QRFPR: variants seen among roughly 807,000 people sequenced by gnomAD.
QRFPR encodes the protein pyroglutamylated RF-amide peptide receptor.
Under a neutral mutation model 31.3 loss-of-function variants are expected in QRFPR, and 37 were observed. That is an observed-to-expected ratio of 1.18 (90% confidence interval 0.91 to 1.56). QRFPR has a LOEUF of 1.56. Ranked by LOEUF, QRFPR falls within the 40% of genes most tolerant of loss-of-function variation. The probability of loss-of-function intolerance (pLI) is 0.00; values close to 1 mark genes in which losing one functional copy is unlikely to be tolerated. For synonymous variants in QRFPR, 197 were observed against 192.0 expected, an observed-to-expected ratio of 1.03 and a Z score of -0.22; for missense variants, 542 against 532.5, an observed-to-expected ratio of 1.02 and a Z score of -0.18.
In QRFPR at chr4:121,380,880, T is replaced by A. The variant is rs180738331; in HGVS notation, c.-233A>T. 150 of 501,592 alleles carry A rather than the reference T, an allele frequency of 3.0e-4. No individual in the cohort carries two copies. The highest frequency in any genetic ancestry group is 2.8e-3 in the African/African-American group (140 of 50,908). 31.1% of individuals were successfully genotyped at this position (501,592 alleles called of 1,614,324 possible). A position where few individuals can be genotyped will look rare whatever the true frequency, so the allele number is the denominator to read the frequency against. On this transcript the variant is annotated 5_prime_UTR_variant, in exon 1 of 6. Coordinates refer to ENST00000394427, the MANE Select transcript of QRFPR (RefSeq NM_198179.3). ...GAAGCCAAAGCACTGGGAGACTCGA[T>A]CTCAGTGACCAAAAAATGTTCGCGG...
chr4:121,344,066 T>C (rs2110471709), intron 1 of QRFPR, among the ~76,000 whole-genome samples: 1 of 152,346 alleles, frequency 6.6e-6, no homozygotes, highest in East Asian at 1.9e-4. Flanking sequence ...GGCAGCTCTT[T>C]CATCATTAGG....
At chr4:121,378,411 T>G (rs997322557) in intron 1 of QRFPR, among the ~76,000 whole-genome samples, 10 of 144,170 alleles carry the variant, frequency 6.9e-5, no homozygotes, top group Non-Finnish European at 7.6e-5. Flanking sequence ...ACTGCACTTT[T>G]TTTTTTTTTT....
chr4:121,341,519 C>A (rs1725542465), intron 1 of QRFPR, among the ~76,000 whole-genome samples: 1 of 152,174 alleles, frequency 6.6e-6, no homozygotes, highest in African/African-American at 2.4e-5. Context: ...AACCTGAAAT[C>A]TGAAATGATC....
chr4:121,345,585 G>T (rs962039920), intron 1 of QRFPR, among the ~76,000 whole-genome samples: 2 of 152,138 alleles, frequency 1.3e-5, no homozygotes, highest in African/African-American at 4.8e-5. Flanking sequence ...ACTATAGTTT[G>T]CCTCCACTGC....
At chr4:121,364,361 G>A (rs1269258720) in intron 1 of QRFPR, among the ~76,000 whole-genome samples, 1 of 150,364 alleles carries the variant, frequency 6.7e-6, no homozygotes, top group African/African-American at 2.5e-5. Context: ...TTTTGGCTGG[G>A]CATGGTGGCT....
At chr4:121,340,391 T>C (rs1560735207) in intron 2 of QRFPR, 61 bp downstream of exon 2, 1 of 1,560,788 alleles carries the variant, frequency 6.4e-7, no homozygotes, top group Non-Finnish European at 8.8e-7. Flanking sequence ...AAAAATATGG[T>C]TCTCTATTCT....
intron 3 of QRFPR, among the ~76,000 whole-genome samples, chr4:121,335,592 GGGAGA>G (rs1725420526): frequency 1.5e-5 from 2 of 137,658 alleles, no homozygotes; most frequent in African/African-American, 2.6e-5. Flanking sequence ...GGGTGGGGCG[GGGAGA>G]GGAGTGGGGC....
At position 121,365,558 on chromosome 4, in the gene QRFPR, ATATATATT is replaced by A. The variant is rs1726094484; in HGVS notation, c.340+14742_340+14749del. ...TAATATATATTATATATAATATATAATATATATTATATATAATATATATTATATATATT... is the reference window on the plus strand; with the variant it reads ...TAATATATATTATATATAATATATAAATATATAATATATATTATATATATT... On this transcript the variant is annotated intron_variant, in intron 1 of 5. Coordinates refer to ENST00000394427, the MANE Select transcript of QRFPR (RefSeq NM_198179.3). Among the ~76,000 whole-genome samples, 2 of 5,168 alleles carry A rather than the reference ATATATATT, an allele frequency of 3.9e-4. 1 individual carries two copies. The highest frequency in any genetic ancestry group is 2.4e-3 in the African/African-American group (2 of 838). 3.4% of individuals were successfully genotyped at this position (5,168 alleles called of 152,430 possible).
chr4:121,372,603 G>A (rs1560746619), intron 1 of QRFPR, among the ~76,000 whole-genome samples: 2 of 152,142 alleles, frequency 1.3e-5, no homozygotes, highest in East Asian at 3.9e-4. Flanking sequence ...CATAGCCCCT[G>A]GTAACATTAG....
At chr4:121,355,089 G>A (rs777291738) in intron 1 of QRFPR, among the ~76,000 whole-genome samples, 1 of 152,028 alleles carries the variant, frequency 6.6e-6, no homozygotes, top group African/African-American at 2.4e-5. Context: ...TTTGTGGTAT[G>A]AGTCTGGAAG....
At chr4:121,331,294 C>T (rs1240655684) in intron 4 of QRFPR, among the ~76,000 whole-genome samples, 1 of 149,114 alleles carries the variant, frequency 6.7e-6, no homozygotes, top group East Asian at 2.0e-4. Context: ...AAGTGATCCT[C>T]CCACCTCAGC....
chr4:121,342,071 A>G (rs1011764319), intron 1 of QRFPR, among the ~76,000 whole-genome samples: 3 of 152,214 alleles, frequency 2.0e-5, no homozygotes, highest in African/African-American at 7.2e-5. Context: ...TCAGTAGAAG[A>G]CAGGAGAAGA....
At position 121,336,875 on chromosome 4, in the gene QRFPR, A is replaced by T. The variant is rs1725446746; in HGVS notation, c.500-7T>A. The T allele has an allele frequency of 9.9e-6, 16 of 1,613,582 alleles. No individual in the cohort carries two copies. Among genetic ancestry groups the T allele is most frequent in the Non-Finnish European group, 1.4e-5 (16 of 1,179,590 alleles). On this transcript the variant is annotated splice_region_variant and splice_polypyrimidine_tract_variant and intron_variant, in intron 2 of 5. Coordinates refer to ENST00000394427, the MANE Select transcript of QRFPR (RefSeq NM_198179.3). ...GCCACCAGCCAGACCACACCTGTAAAAGTGTTAAAGTCATGAGAGTATGAC... is the reference window on the plus strand; with the variant it reads ...GCCACCAGCCAGACCACACCTGTAATAGTGTTAAAGTCATGAGAGTATGAC...
chr4:121,328,735 A>G lies in QRFPR; in HGVS notation c.*579T>C, dbSNP rs1222320953. Among the ~76,000 whole-genome samples, 1 of 152,182 alleles carries G rather than the reference A, an allele frequency of 6.6e-6. No individual in the cohort carries two copies. The highest frequency in any genetic ancestry group is 2.4e-5 in the African/African-American group (1 of 41,448). On this transcript the variant is annotated 3_prime_UTR_variant, in exon 6 of 6. Transcript: ENST00000394427. ...TAAAAATCCACTGAAATAATCTTAA[A>G]AGTATGGTTTACGAATTTTTCAAAA...
chr4:121,362,026 C>G (rs1031977220), intron 1 of QRFPR, among the ~76,000 whole-genome samples: 24 of 150,146 alleles, frequency 1.6e-4, no homozygotes, highest in African/African-American at 5.9e-4. Context: ...AAAACAATAA[C>G]TGCAATTGTC....
chr4:121,359,894 C>G (rs1725955204), intron 1 of QRFPR, among the ~76,000 whole-genome samples: 1 of 151,286 alleles, frequency 6.6e-6, no homozygotes, highest in Non-Finnish European at 1.5e-5. Context: ...CACCATTTTC[C>G]TTCTTTTCTA....
chr4:121,341,542 C>G (rs546661331), intron 1 of QRFPR, among the ~76,000 whole-genome samples: 12 of 152,282 alleles, frequency 7.9e-5, no homozygotes, highest in African/African-American at 2.6e-4. Context: ...AAACCCAAAG[C>G]TTTTTTGAGT....
intron 1 of QRFPR, among the ~76,000 whole-genome samples, chr4:121,352,253 CAG>C (rs1337436761): frequency 6.6e-6 from 1 of 152,026 alleles, no homozygotes; most frequent in African/African-American, 2.4e-5. Context: ...AGGGCAGTAA[CAG>C]AGTCATAAAT....
In QRFPR at chr4:121,337,873, A is replaced by G. The variant is rs554408503; in HGVS notation, c.500-1005T>C. ...GGGATTAACTACCAAGAACAATTTC[A>G]ACCCGTGTGTTTTAACAGACATGGA... On this transcript the variant is annotated intron_variant, in intron 2 of 5. Transcript: ENST00000394427. Among the ~76,000 whole-genome samples, 9 of 152,342 alleles carry G rather than the reference A, an allele frequency of 5.9e-5. No homozygotes were observed. In the South Asian group the frequency reaches 1.9e-3, roughly 32 times the overall value.
Sources: gnomAD v4.1 joint callset for allele counts (sites outside exome capture counted in the v4.1 genomes callset) on GRCh38, gnomAD v4.1.1 for gene constraint, MANE v1.5 for transcripts, NCBI Gene and HGNC (gene_info 2026-07-23, HGNC 2026-07-21) for gene names.